Variants in KCNMA1 observed in about 807,000 individuals in gnomAD.
KCNMA1 encodes potassium calcium-activated channel subfamily M alpha 1.
Under a neutral mutation model 140.0 loss-of-function variants are expected in KCNMA1, and 29 were observed. The observed-to-expected ratio is 0.21, with a 90% confidence interval of 0.15 to 0.28. The LOEUF (loss-of-function observed/expected upper bound fraction) is 0.28. Ranked by LOEUF, KCNMA1 falls within the 10% of genes least tolerant of loss-of-function variation. KCNMA1 has a pLI of 1.00. For synonymous variants in KCNMA1, 612 were observed against 611.9 expected (o/e 1.00, Z 0.00); for missense variants, 880 against 1,602.2 (o/e 0.55, Z 7.70).
chr10:77,307,915 C>G (rs938355697), intron 2 of KCNMA1, among the ~76,000 whole-genome samples: 1 of 152,244 alleles, frequency 6.6e-6, no homozygotes, highest in East Asian at 1.9e-4. Flanking sequence ...CACCATTGTA[C>G]GTTGAGAAGC....
intron 1 of KCNMA1, among the ~76,000 whole-genome samples, chr10:77,585,781 T>C (rs190530619): frequency 3.3e-5 from 5 of 152,340 alleles, no homozygotes; most frequent in African/African-American, 9.6e-5. Context: ...TACCCATCCA[T>C]ATAGGTATAC....
In KCNMA1 at chr10:77,027,841, GACTTGT is replaced by G; in HGVS notation, c.1904_1909del (p.Tyr635_Lys636del). ...AACTTACCGGCTCTCTCGGTTGGCA[GACTTGT>G]ACTCAATGGCTATCATTAGGAGCTT... On this transcript the variant is annotated inframe_deletion, in exon 16 of 28. Coordinates refer to ENST00000286628, the MANE Select transcript of KCNMA1 (RefSeq NM_001161352.2). 1 of 1,613,948 alleles carries G rather than the reference GACTTGT, an allele frequency of 6.2e-7. No individual in the cohort carries two copies. The highest frequency in any genetic ancestry group is 8.5e-7 in the Non-Finnish European group (1 of 1,179,922).
At chr10:77,109,620 T>C (rs1018990999) in intron 8 of KCNMA1, among the ~76,000 whole-genome samples, 1 of 152,202 alleles carries the variant, frequency 6.6e-6, no homozygotes, top group African/African-American at 2.4e-5. Flanking sequence ...GTGAGCTGTT[T>C]GCAAAACTGC....
At chr10:77,460,397 C>T (rs1443185234) in intron 1 of KCNMA1, among the ~76,000 whole-genome samples, 1 of 152,032 alleles carries the variant, frequency 6.6e-6, no homozygotes, top group Non-Finnish European at 1.5e-5. Flanking sequence ...GAGTATCTAC[C>T]GAAAGGAAAT....
chr10:77,021,699 G>A (rs1349783325), intron 16 of KCNMA1, among the ~76,000 whole-genome samples: 4 of 152,192 alleles, frequency 2.6e-5, no homozygotes, highest in Admixed American at 2.6e-4. Flanking sequence ...AGATCATGTG[G>A]ATTCCAGGAT....
rs2096971212 is a variant in KCNMA1, at chr10:77,097,744, T to C, written c.1224-7234A>G. Among the ~76,000 whole-genome samples the C allele has an allele frequency of 2.6e-5, 4 of 152,342 alleles. No homozygotes were observed. The South Asian group carries it at 8.3e-4, about 32-fold the overall frequency. ...GAGGTTCAGCAATAAGATAATTTCCTATCCATGGACACATCTAGTACTTTG... is the reference window on the plus strand; with the variant it reads ...GAGGTTCAGCAATAAGATAATTTCCCATCCATGGACACATCTAGTACTTTG... On this transcript the variant is annotated intron_variant, in intron 9 of 27. Transcript: ENST00000286628.
chr10:77,463,082 G>C (rs2097909373), intron 1 of KCNMA1, among the ~76,000 whole-genome samples: 1 of 152,160 alleles, frequency 6.6e-6, no homozygotes, highest in Non-Finnish European at 1.5e-5. Context: ...CCAGCATGTA[G>C]GTTTTCTGGC....
intron 1 of KCNMA1, among the ~76,000 whole-genome samples, chr10:77,573,622 GGAATGGAATGGAATGGAATGGAATA>G (rs2072649339): frequency 1.3e-3 from 106 of 82,590 alleles, no homozygotes; most frequent in African/African-American, 4.8e-3. Flanking sequence ...GGAATGGAAT[GGAATGGAATGGAATGGAATGGAATA>G]GAATAGAATA....
At chr10:77,357,442 C>T (rs1228925006) in intron 2 of KCNMA1, among the ~76,000 whole-genome samples, 1 of 152,214 alleles carries the variant, frequency 6.6e-6, no homozygotes, top group Non-Finnish European at 1.5e-5. Flanking sequence ...AGATATAGCC[C>T]ACTGAAAGGG....
At chr10:77,612,134 C>A (rs1233903996) in intron 1 of KCNMA1, among the ~76,000 whole-genome samples, 1 of 152,098 alleles carries the variant, frequency 6.6e-6, no homozygotes, top group Non-Finnish European at 1.5e-5. Flanking sequence ...ATATGGAGGC[C>A]ACAGGACATC....
intron 5 of KCNMA1, among the ~76,000 whole-genome samples, chr10:77,153,936 G>A (rs1175056063): frequency 6.6e-6 from 1 of 152,140 alleles, no homozygotes; most frequent in Non-Finnish European, 1.5e-5. Context: ...TGTAAAATGA[G>A]AAAATGTCTG....
chr10:77,468,099 C>T (rs2098072041), intron 1 of KCNMA1, among the ~76,000 whole-genome samples: 1 of 152,144 alleles, frequency 6.6e-6, no homozygotes, highest in South Asian at 2.1e-4. Context: ...ACTCCGCCTC[C>T]CGGGTTCCAG....
intron 1 of KCNMA1, among the ~76,000 whole-genome samples, chr10:77,514,916 T>G (rs544696454): frequency 6.6e-6 from 1 of 152,258 alleles, no homozygotes; most frequent in Non-Finnish European, 1.5e-5. Context: ...TTGTTTTTTT[T>G]CCAGTAATAC....
chr10:77,298,532 G>A (rs144514932), intron 2 of KCNMA1, among the ~76,000 whole-genome samples: 335 of 152,088 alleles, frequency 2.2e-3, no homozygotes, highest in Non-Finnish European at 3.7e-3. Context: ...GTGAGCCACC[G>A]TGCCCAAACT....
chr10:77,266,896 G>C (rs1327242607), intron 2 of KCNMA1, among the ~76,000 whole-genome samples: 2 of 152,172 alleles, frequency 1.3e-5, no homozygotes, highest in African/African-American at 4.8e-5. Context: ...CAAGCTTTGT[G>C]CTAAGCCTGA....
chr10:77,519,423 G>A (rs1231692740), intron 1 of KCNMA1, among the ~76,000 whole-genome samples: 1 of 152,176 alleles, frequency 6.6e-6, no homozygotes, highest in Non-Finnish European at 1.5e-5. Flanking sequence ...AGATGCAGCT[G>A]TGTTTGAAGG....
intron 10 of KCNMA1, among the ~76,000 whole-genome samples, chr10:77,087,758 G>A (rs911143155): frequency 3.9e-5 from 6 of 152,278 alleles, no homozygotes; most frequent in East Asian, 3.9e-4. Flanking sequence ...ATAAGGTACC[G>A]TGCTAGGCAC....
intron 14 of KCNMA1, among the ~76,000 whole-genome samples, chr10:77,052,437 C>A (rs2095404233): frequency 6.6e-6 from 1 of 152,092 alleles, no homozygotes; most frequent in African/African-American, 2.4e-5. Context: ...GAGCCCTGGG[C>A]AAACAGGACC....
At chr10:77,264,402 C>T (rs1272810135) in intron 2 of KCNMA1, among the ~76,000 whole-genome samples, 1 of 152,184 alleles carries the variant, frequency 6.6e-6, no homozygotes, top group Non-Finnish European at 1.5e-5. Flanking sequence ...TTCAGCCTCA[C>T]ACTTTTGCAA....
Sources: allele counts gnomAD v4.1 joint callset (sites outside exome capture counted in the v4.1 genomes callset), GRCh38; gene constraint gnomAD v4.1.1; transcripts MANE v1.5; gene names NCBI Gene and HGNC (gene_info 2026-07-23, HGNC 2026-07-21).